RIT1: variants seen among roughly 807,000 people sequenced by gnomAD.
The protein encoded by RIT1 is GTP-binding protein Rit1.
In RIT1, 6 loss-of-function variants were observed where a neutral mutation model predicts 25.6. The observed-to-expected ratio is 0.23, with a 90% CI of 0.13 to 0.46. The LOEUF is 0.46. Ranked by LOEUF, RIT1 falls within the 20% of genes least tolerant of loss-of-function variation. The pLI is 0.99. For synonymous variants in RIT1, 81 were observed against 94.1 expected (o/e 0.86, Z 0.80); for missense variants, 219 against 284.4 (o/e 0.77, Z 1.65).
chr1:155,910,646 T>C lies in RIT1; in HGVS notation c.106+10A>G, dbSNP rs781557110. 6.2e-6 allele frequency: 10 copies of C among 1,612,514 alleles called. No homozygotes were observed. In the Admixed American group the frequency reaches 1.7e-4, roughly 27 times the overall value. On this transcript the variant is annotated intron_variant, in intron 2 of 5. Coordinates refer to ENST00000368323, the MANE Select transcript of RIT1 (RefSeq NM_006912.6). ...TCCATGCTTCCTGTCAAATGGAAAATGTTACCTACCACTCTTCCCTACACC... is the reference window on the plus strand; with the variant it reads ...TCCATGCTTCCTGTCAAATGGAAAACGTTACCTACCACTCTTCCCTACACC...
At position 155,899,447 on chromosome 1, in the gene RIT1, G is replaced by A. The variant is rs146206377; in HGVS notation, c.*941C>T. The A allele has an allele frequency of 2.3e-3, 516 of 225,720 alleles. 4 individuals carry two copies. Among genetic ancestry groups the A allele is most frequent in the African/African-American group, 0.01 (463 of 44,930 alleles). The allele number at this position is 225,720 out of a possible 1,614,324, so 14.0% of individuals were successfully genotyped here. A position where few individuals can be genotyped will look rare whatever the true frequency, so the allele number is the denominator to read the frequency against. ...TGGAAAATGCAATCAGTGATGAAGG[G>A]CCGAAAAAACATCTTGCCAGCTGTA... On this transcript the variant is annotated 3_prime_UTR_variant, in exon 6 of 6. Transcript: ENST00000368323.
chr1:155,907,347 C>G (rs1192579267), intron 3 of RIT1, among the ~76,000 whole-genome samples: 1 of 150,882 alleles, frequency 6.6e-6, no homozygotes, highest in Non-Finnish European at 1.5e-5. Flanking sequence ...TCAAGGAATT[C>G]TCCCACCTCA....
chr1:155,911,119 C>T (rs931435265), intron 1 of RIT1, 124 bp downstream of exon 1: 16 of 590,856 alleles, frequency 2.7e-5, no homozygotes, highest in Non-Finnish European at 4.4e-5. Context: ...GGATGCGGCC[C>T]CTTAGGCCGC....
At position 155,904,813 on chromosome 1, in the gene RIT1, G is replaced by A. The variant is rs1350828158; in HGVS notation, c.164-9C>T. 2 of 1,585,454 alleles carry A rather than the reference G, an allele frequency of 1.3e-6. No homozygotes were observed. Among genetic ancestry groups the A allele is most frequent in the African/African-American group, 1.3e-5 (1 of 74,480 alleles). On this transcript the variant is annotated splice_polypyrimidine_tract_variant and intron_variant, in intron 3 of 5. Transcript: ENST00000368323. ...GATCTTATAAGCATCTTCTACAGGA[G>A]GGAAGAAAGGTGTACTATAAAGTCA...
chr1:155,900,687 C>G (rs1047447669), intron 5 of RIT1, 69 bp from the exon 6 acceptor site: 1 of 1,230,594 alleles, frequency 8.1e-7, no homozygotes, highest in Admixed American at 1.9e-5. Flanking sequence ...CCTGAATGCA[C>G]CACCACCTTA....
intron 3 of RIT1, among the ~76,000 whole-genome samples, chr1:155,908,712 A>T (rs913331255): frequency 6.6e-6 from 1 of 150,648 alleles, no homozygotes; most frequent in Admixed American, 6.6e-5. Context: ...ACAGGCACCC[A>T]GCACCACGCC....
At chr1:155,909,733 C>A (rs1202948162) in intron 3 of RIT1, among the ~76,000 whole-genome samples, 1 of 151,766 alleles carries the variant, frequency 6.6e-6, no homozygotes, top group African/African-American at 2.4e-5. Flanking sequence ...ACCAGCCTGG[C>A]CAACATAGTG....
rs371501810 is a variant in RIT1, at chr1:155,900,363, C to T, written c.*25G>A. The T allele has an allele frequency of 1.9e-4, 305 of 1,570,016 alleles. No individual in the cohort carries two copies. The highest frequency in any genetic ancestry group is 2.6e-4 in the Non-Finnish European group (296 of 1,140,938). On this transcript the variant is annotated 3_prime_UTR_variant, in exon 6 of 6. Transcript: ENST00000368323. ...TGCTTTGATACAGCACTGCAGTTCACAGATAAACACTTCACATCTTCTCTT... is the reference window on the plus strand; with the variant it reads ...TGCTTTGATACAGCACTGCAGTTCATAGATAAACACTTCACATCTTCTCTT...
At chr1:155,902,435 C>G (rs1324445512) in intron 5 of RIT1, among the ~76,000 whole-genome samples, 4 of 151,444 alleles carry the variant, frequency 2.6e-5, no homozygotes, top group African/African-American at 7.3e-5. Flanking sequence ...ACTTGGGAGG[C>G]TGAGGCAGGA....
chr1:155,906,668 G>C (rs2102586754), intron 3 of RIT1, among the ~76,000 whole-genome samples: 1 of 150,622 alleles, frequency 6.6e-6, no homozygotes, highest in South Asian at 2.1e-4. Context: ...GGCTGAGGCA[G>C]GAGAATCGCT....
At chr1:155,902,321 T>A (rs1255085396) in intron 5 of RIT1, among the ~76,000 whole-genome samples, 1 of 150,206 alleles carries the variant, frequency 6.7e-6, no homozygotes, top group Non-Finnish European at 1.5e-5. Context: ...ATTCCTAATG[T>A]CCTGAGTATT....
chr1:155,909,191 C>T (rs967930662), intron 3 of RIT1, among the ~76,000 whole-genome samples: 6 of 151,732 alleles, frequency 4.0e-5, no homozygotes, highest in South Asian at 2.1e-4. Flanking sequence ...CTGGCTAACA[C>T]GGTGAAATCC....
chr1:155,909,265 A>G (rs1038439881), intron 3 of RIT1, among the ~76,000 whole-genome samples: 1 of 151,614 alleles, frequency 6.6e-6, no homozygotes, highest in Admixed American at 6.6e-5. Flanking sequence ...GTAGTCCCAG[A>G]TACTCGGGAG....
At position 155,900,629 on chromosome 1, in the gene RIT1, A is replaced by C. The variant is rs755786992; in HGVS notation, c.430-11T>G. On this transcript the variant is annotated splice_polypyrimidine_tract_variant and intron_variant, in intron 5 of 5. Transcript: ENST00000368323. ...TTCTTCCTTGGTGACCTTTAAGGGC[A>C]AAATGTGAGAAAAGATAACAGTGAA... The C allele has an allele frequency of 1.9e-6, 3 of 1,602,860 alleles. No individual in the cohort carries two copies. In the South Asian group the frequency reaches 3.3e-5, roughly 18 times the overall value.
rs1373014558 is a variant in RIT1 at position 155,904,303 on chromosome 1, A to C, written c.429+8T>G. On this transcript the variant is annotated splice_region_variant and intron_variant, in intron 5 of 5. Transcript: ENST00000368323. ...GATTATAGACAGTATTTTCTTCTCTATCCTCACCTGTCTTAGCTGTTTGAG... is the reference window on the plus strand; with the variant it reads ...GATTATAGACAGTATTTTCTTCTCTCTCCTCACCTGTCTTAGCTGTTTGAG... The C allele has an allele frequency of 1.3e-6, 2 of 1,590,588 alleles. No individual in the cohort carries two copies. Among genetic ancestry groups the C allele is most frequent in the Non-Finnish European group, 1.7e-6 (2 of 1,158,684 alleles).
At chr1:155,904,248 G>T (rs1673383009) in intron 5 of RIT1, 63 bp downstream of exon 5, 2 of 1,279,792 alleles carry the variant, frequency 1.6e-6, no homozygotes, top group Non-Finnish European at 2.2e-6. Flanking sequence ...GAATCTGTAA[G>T]CCAAGAAACA....
intron 3 of RIT1, among the ~76,000 whole-genome samples, chr1:155,906,765 A>AC (rs1468445884): frequency 9.8e-6 from 1 of 102,104 alleles, no homozygotes; most frequent in Non-Finnish European, 2.1e-5. Flanking sequence ...TCCGTCTCAA[A>AC]AAAAAAAAAA....
At chr1:155,903,479 G>C (rs1418993765) in intron 5 of RIT1, among the ~76,000 whole-genome samples, 1 of 128,288 alleles carries the variant, frequency 7.8e-6, no homozygotes, top group East Asian at 2.6e-4. Flanking sequence ...AAAAAAGAAA[G>C]AAACACAAAG....
chr1:155,900,579 T>C lies in RIT1; in HGVS notation c.469A>G (p.Ser157Gly). The change falls in exon 6 of 6, where the codon AGC (serine) becomes GGC (glycine). Residue 157 changes from serine to glycine, a missense_variant. Coordinates refer to ENST00000368323, the MANE Select transcript of RIT1 (RefSeq NM_006912.6). ...GCAGATGTCTCAAAAAAGGGACAGC[T>C]GAATTCTCGGGCCAAGGCCAATCCT... Reference protein sequence around the residue: ...EEGLALAREFSCPFFETSAAY... With the variant: ...EEGLALAREFGCPFFETSAAY... 6.2e-7 allele frequency: 1 copy of C among 1,614,206 alleles called. No individual in the cohort carries two copies. Among genetic ancestry groups the C allele is most frequent in the Middle Eastern group, 1.6e-4 (1 of 6,062 alleles).
Sources: allele counts gnomAD v4.1 joint callset (sites outside exome capture counted in the v4.1 genomes callset), GRCh38; gene constraint gnomAD v4.1.1; transcripts MANE v1.5; gene names NCBI Gene and HGNC (gene_info 2026-07-23, HGNC 2026-07-21).